Variants in PCGF5 observed in about 807,000 individuals in gnomAD.
PCGF5 encodes polycomb group ring finger 5.
PCGF5 carries 9 observed loss-of-function variants against 44.3 expected under a neutral mutation model. The observed-to-expected ratio is 0.20, with a 90% CI of 0.12 to 0.35. PCGF5 has a LOEUF of 0.35. Among genes scored for constraint, PCGF5 ranks in the 10% least tolerant of loss-of-function variants. The pLI is 1.00. For synonymous variants in PCGF5, 95 were observed against 102.5 expected (o/e 0.93, Z 0.44); for missense variants, 146 against 305.3 (o/e 0.48, Z 3.89).
chr10:91,231,619 T>C (rs1177544346), intron 2 of PCGF5, among the ~76,000 whole-genome samples: 1 of 152,234 alleles, frequency 6.6e-6, no homozygotes, highest in Non-Finnish European at 1.5e-5. Flanking sequence ...GGGTTGGGCA[T>C]GGCCGCAGGC....
At chr10:91,161,495 TA>T (rs1843382094), upstream of PCGF5, among the ~76,000 whole-genome samples, 1 of 152,216 alleles carries the variant, frequency 6.6e-6, no homozygotes, top group Non-Finnish European at 1.5e-5. Flanking sequence ...GCTCTTAGCC[TA>T]GGAATTAGCT....
chr10:91,267,540 T>C (rs576255715), intron 8 of PCGF5, among the ~76,000 whole-genome samples: 35 of 152,218 alleles, frequency 2.3e-4, no homozygotes, highest in Non-Finnish European at 4.3e-4. Flanking sequence ...TTTTACAAGG[T>C]AATGGTTATG....
At chr10:91,191,173 A>C (rs1844027054) in intron 1 of PCGF5, among the ~76,000 whole-genome samples, 2 of 152,240 alleles carry the variant, frequency 1.3e-5, no homozygotes, top group Non-Finnish European at 1.5e-5. Flanking sequence ...GCACAGTAAA[A>C]GATTAACAAC....
chr10:91,249,888 A>G (rs1845582088), intron 5 of PCGF5, among the ~76,000 whole-genome samples: 1 of 152,040 alleles, frequency 6.6e-6, no homozygotes, highest in South Asian at 2.1e-4. Context: ...CAATTATAGT[A>G]GTAGTGCTCT....
At chr10:91,157,852 A>G in the PCGF5 span, among the ~76,000 whole-genome samples, 5 of 152,220 alleles carry the variant, frequency 3.3e-5, no homozygotes, top group South Asian at 2.1e-4. Flanking sequence ...TTCAAAAATG[A>G]TAAGTTGATC....
At chr10:91,239,778 T>G (rs1845274897) in intron 2 of PCGF5, among the ~76,000 whole-genome samples, 1 of 151,912 alleles carries the variant, frequency 6.6e-6, no homozygotes, top group South Asian at 2.1e-4. Context: ...ATGTGGGCTG[T>G]ATAGGCTTGT....
intron 1 of PCGF5, among the ~76,000 whole-genome samples, chr10:91,199,207 T>G (rs1391550247): frequency 9.2e-5 from 14 of 152,192 alleles, no homozygotes; most frequent in African/African-American, 3.4e-4. Flanking sequence ...AATAAACAAG[T>G]AGAAAATGTA....
intron 1 of PCGF5, among the ~76,000 whole-genome samples, chr10:91,197,379 A>G (rs1457577189): frequency 2.0e-5 from 3 of 152,166 alleles, no homozygotes; most frequent in Non-Finnish European, 2.9e-5. Flanking sequence ...GGCTGCACAG[A>G]CGTATATCTT....
chr10:91,275,607 ATTTTTT>A (rs72439811), intron 9 of PCGF5, among the ~76,000 whole-genome samples: 1 of 128,892 alleles, frequency 7.8e-6, no homozygotes, highest in South Asian at 2.4e-4. Context: ...TGCCCGGCTA[ATTTTTT>A]TTTTTTTTTT....
intron 2 of PCGF5, among the ~76,000 whole-genome samples, chr10:91,239,397 G>C (rs1373946576): frequency 6.6e-6 from 1 of 152,092 alleles, no homozygotes; most frequent in Non-Finnish European, 1.5e-5. Context: ...TTGTTGCTTT[G>C]GTCAGTATAT....
intron 6 of PCGF5, among the ~76,000 whole-genome samples, chr10:91,251,707 T>C (rs1845627630): frequency 6.6e-6 from 1 of 152,036 alleles, no homozygotes; most frequent in African/African-American, 2.4e-5. Flanking sequence ...TGGAAATTCA[T>C]ATGCATGGTT....
At chr10:91,254,203 C>CGTGTGTGTGTGTGTGTGTGTGTGT (rs148669111) in intron 6 of PCGF5, among the ~76,000 whole-genome samples, 1 of 147,942 alleles carries the variant, frequency 6.8e-6, no homozygotes, top group Non-Finnish European at 1.5e-5. Flanking sequence ...CCCTCCACCT[C>CGTGTGTGTGTGTGTGTGTGTGTGT]GTGTGTGTGT....
chr10:91,166,509 A>G (rs927795178), intron 1 of PCGF5, among the ~76,000 whole-genome samples: 1 of 152,236 alleles, frequency 6.6e-6, no homozygotes, highest in African/African-American at 2.4e-5. Context: ...GAACTTTTAC[A>G]ATAATGAAAC....
chr10:91,159,240 G>A (rs761774241), upstream of PCGF5, among the ~76,000 whole-genome samples: 13 of 151,932 alleles, frequency 8.6e-5, no homozygotes, highest in Non-Finnish European at 2.9e-5. Context: ...GATAGCCACA[G>A]GAAGTCATAA....
intron 1 of PCGF5, among the ~76,000 whole-genome samples, chr10:91,181,701 C>T (rs1843822046): frequency 6.6e-6 from 1 of 152,202 alleles, no homozygotes; most frequent in South Asian, 2.1e-4. Context: ...ACCAACCTTG[C>T]ATCCCGGGGA....
At chr10:91,247,031 TA>T (rs962022489) in intron 3 of PCGF5, among the ~76,000 whole-genome samples, 1 of 151,974 alleles carries the variant, frequency 6.6e-6, no homozygotes, top group Non-Finnish European at 1.5e-5. Flanking sequence ...AATCTGCCTA[TA>T]TGTTAGTTTT....
chr10:91,201,588 C>T (rs1372007017), intron 1 of PCGF5, among the ~76,000 whole-genome samples: 1 of 152,116 alleles, frequency 6.6e-6, no homozygotes, highest in Non-Finnish European at 1.5e-5. Flanking sequence ...CTCCCCTCCT[C>T]CCTCCACCCA....
At chr10:91,243,073 T>C (rs1845371064) in intron 3 of PCGF5, among the ~76,000 whole-genome samples, 1 of 152,156 alleles carries the variant, frequency 6.6e-6, no homozygotes, top group African/African-American at 2.4e-5. Flanking sequence ...AGTAAACACT[T>C]TTTAAAGGAT....
upstream of PCGF5, among the ~76,000 whole-genome samples, chr10:91,216,637 A>C (rs1004133183): frequency 2.6e-5 from 4 of 152,176 alleles, no homozygotes; most frequent in African/African-American, 7.2e-5. Context: ...TGAGTGATAG[A>C]GAGTAGAGAT....
Sources: gnomAD v4.1 joint callset for allele counts (sites outside exome capture counted in the v4.1 genomes callset) on GRCh38, gnomAD v4.1.1 for gene constraint, MANE v1.5 for transcripts, NCBI Gene and HGNC (gene_info 2026-07-23, HGNC 2026-07-21) for gene names.